Variants in MED13L observed in about 807,000 individuals in gnomAD.
MED13L encodes the protein mediator complex subunit 13L, also known as mediator of RNA polymerase II transcription subunit 13-like.
In MED13L, 7 loss-of-function variants were observed where a neutral mutation model predicts 220.9. That is an observed-to-expected ratio of 0.03 (90% confidence interval 0.02 to 0.06). The LOEUF is 0.06. MED13L is among the 10% of genes least tolerant of loss of function. The pLI is 1.00. For synonymous variants in MED13L, 1,011 were observed against 1,015.2 expected, an observed-to-expected ratio of 1.00 and a Z score of 0.08; for missense variants, 1,965 against 2,760.5, an observed-to-expected ratio of 0.71 and a Z score of 6.46.
intron 4 of MED13L, among the ~76,000 whole-genome samples, chr12:116,076,773 G>A (rs946259817): frequency 6.6e-6 from 1 of 152,160 alleles, no homozygotes; most frequent in South Asian, 2.1e-4. Flanking sequence ...TTTATCTGTA[G>A]CCCTGGAATC....
At chr12:116,184,768 T>A (rs1880765617) in intron 2 of MED13L, among the ~76,000 whole-genome samples, 1 of 152,206 alleles carries the variant, frequency 6.6e-6, no homozygotes, top group African/African-American at 2.4e-5. Context: ...ATTAACTATT[T>A]ATCACTTGAA....
At chr12:116,236,233 G>C (rs1438952165) in intron 2 of MED13L, among the ~76,000 whole-genome samples, 1 of 152,056 alleles carries the variant, frequency 6.6e-6, no homozygotes, top group Non-Finnish European at 1.5e-5. Context: ...ACCCACAATG[G>C]TTCTCTTATT....
At chr12:116,253,624 A>G (rs1044220908) in intron 1 of MED13L, among the ~76,000 whole-genome samples, 16 of 152,094 alleles carry the variant, frequency 1.1e-4, no homozygotes, top group Non-Finnish European at 2.2e-4. Context: ...GTGGAATTCA[A>G]GCTTAGTTCA....
At position 116,277,215 on chromosome 12, in the gene MED13L, G is replaced by C. The variant is rs1020264322; in HGVS notation, c.-84C>G. ...AGGCCGGGCCGGGCGGCGGCGCCTC[G>C]CCGGGGAGCGCGGGGCGGCCGGGCC... On this transcript the variant is annotated 5_prime_UTR_variant, in exon 1 of 31. Transcript: ENST00000281928. 1.9e-5 allele frequency: 16 copies of C among 828,414 alleles called. No individual in the cohort carries two copies. In the Admixed American group the frequency reaches 8.4e-4, roughly 44 times the overall value. The allele number at this position is 828,414 out of a possible 1,614,324, so 51.3% of individuals were successfully genotyped here. A position where few individuals can be genotyped will look rare whatever the true frequency, so the allele number is the denominator to read the frequency against.
At chr12:116,270,202 C>T (rs1009314139) in intron 1 of MED13L, among the ~76,000 whole-genome samples, 2 of 151,446 alleles carry the variant, frequency 1.3e-5, no homozygotes, top group African/African-American at 4.9e-5. Flanking sequence ...AGTGCAGTGG[C>T]ACCATCTCGG....
At chr12:115,961,421 C>A (rs1875746750) in intron 30 of MED13L, 23 bp from the exon 31 acceptor site, 1 of 1,612,702 alleles carries the variant, frequency 6.2e-7, no homozygotes, top group Non-Finnish European at 8.5e-7. Flanking sequence ...ACACACAGAG[C>A]AGGGGCGTGA....
At chr12:116,098,739 C>T (rs975078013) in intron 3 of MED13L, among the ~76,000 whole-genome samples, 3 of 151,994 alleles carry the variant, frequency 2.0e-5, no homozygotes, top group African/African-American at 4.8e-5. Context: ...TCATTTTCAG[C>T]GTAACCAAAT....
At chr12:116,167,118 T>C (rs1879335398) in intron 2 of MED13L, among the ~76,000 whole-genome samples, 1 of 151,816 alleles carries the variant, frequency 6.6e-6, no homozygotes. Flanking sequence ...TAAAGATGAG[T>C]TTGTAAAGAT....
At chr12:116,054,079 T>C (rs1868739642) in intron 4 of MED13L, among the ~76,000 whole-genome samples, 1 of 152,134 alleles carries the variant, frequency 6.6e-6, no homozygotes, top group Non-Finnish European at 1.5e-5. Context: ...TGATGCCCCA[T>C]TGTCCAGCAA....
At chr12:116,262,259 A>C (rs1006346128) in intron 1 of MED13L, among the ~76,000 whole-genome samples, 1 of 152,238 alleles carries the variant, frequency 6.6e-6, no homozygotes, top group Non-Finnish European at 1.5e-5. Flanking sequence ...ATTACCACCA[A>C]ACTCAAACTT....
intron 4 of MED13L, among the ~76,000 whole-genome samples, chr12:116,041,805 G>A (rs1048942615): frequency 1.1e-4 from 17 of 152,110 alleles, no homozygotes; most frequent in African/African-American, 3.6e-4. Context: ...ACTGCACTCC[G>A]ACCTGGGCGA....
chr12:115,983,475 G>C lies in MED13L; in HGVS notation c.4597C>G (p.Pro1533Ala). 1 of 1,614,176 alleles carries C rather than the reference G, an allele frequency of 6.2e-7. No individual in the cohort carries two copies. The highest frequency in any genetic ancestry group is 8.5e-7 in the Non-Finnish European group (1 of 1,180,024). The change falls in exon 21 of 31, where the codon CCA (proline) becomes GCA (alanine). Residue 1533 changes from proline (P) to alanine (A), a missense_variant. Transcript: ENST00000281928. ...LLIPPKYQTP[P>A]AAAQGQATPG... ...GTAGCTTGTCCCTGTGCTGCTGCTG[G>C]TGGGGTCTGGTATTTAGGTGGTATC...
chr12:116,225,878 C>T (rs569564629), intron 2 of MED13L, among the ~76,000 whole-genome samples: 1 of 152,104 alleles, frequency 6.6e-6, no homozygotes, highest in East Asian at 1.9e-4. Flanking sequence ...ACTTCCCCCA[C>T]GTGCTAGCAA....
At chr12:115,969,863 G>A (rs1876461462) in intron 27 of MED13L, among the ~76,000 whole-genome samples, 1 of 152,060 alleles carries the variant, frequency 6.6e-6, no homozygotes, top group South Asian at 2.1e-4. Flanking sequence ...CATTATAAAA[G>A]TAAGGTACAC....
chr12:116,159,053 T>A (rs936716008), intron 2 of MED13L, among the ~76,000 whole-genome samples: 7 of 152,088 alleles, frequency 4.6e-5, no homozygotes, highest in African/African-American at 1.7e-4. Flanking sequence ...AACAACAACT[T>A]CAACAAACAA....
intron 2 of MED13L, among the ~76,000 whole-genome samples, chr12:116,148,051 C>CAGAAAAAAAAAAAAAAAAAAAAAAAA (rs1877686550): frequency 1.1e-4 from 2 of 18,140 alleles, no homozygotes; most frequent in Non-Finnish European, 1.9e-4. Context: ...GACCCCATCT[C>CAGAAAAAAAAAAAAAAAAAAAAAAAA]AAAAAAAAAA....
chr12:116,217,320 G>A (rs982979856), intron 2 of MED13L, among the ~76,000 whole-genome samples: 3 of 152,154 alleles, frequency 2.0e-5, no homozygotes. Context: ...GATGCAACAT[G>A]GCAAAACTTA....
intron 4 of MED13L, among the ~76,000 whole-genome samples, chr12:116,092,036 G>A (rs1455206598): frequency 1.3e-5 from 2 of 152,108 alleles, no homozygotes; most frequent in Non-Finnish European, 2.9e-5. Flanking sequence ...ATGAGTAAAT[G>A]TTTTATAGAG....
intron 2 of MED13L, among the ~76,000 whole-genome samples, chr12:116,143,575 T>G (rs1877260375): frequency 6.6e-6 from 1 of 152,186 alleles, no homozygotes; most frequent in African/African-American, 2.4e-5. Context: ...GATATCACAT[T>G]AATTTATACT....
Sources: allele counts gnomAD v4.1 joint callset (sites outside exome capture counted in the v4.1 genomes callset), GRCh38; gene constraint gnomAD v4.1.1; transcripts MANE v1.5; gene names NCBI Gene and HGNC (gene_info 2026-07-23, HGNC 2026-07-21).